MPP7: variants seen among roughly 807,000 people sequenced by gnomAD.
MPP7 encodes the protein MAGUK p55 subfamily member 7.
MPP7 carries 60 observed loss-of-function variants against 76.5 expected under a neutral mutation model. That is an observed-to-expected ratio of 0.78 (90% CI 0.64 to 0.97). MPP7 has a LOEUF of 0.97. MPP7 is among the 50% of genes least tolerant of loss of function. MPP7 has a pLI of 0.00. For missense variants in MPP7, 641 were observed against 694.0 expected (o/e 0.92, Z 0.86); for synonymous variants, 237 against 244.5 (o/e 0.97, Z 0.29).
chr10:28,306,651 A>G (rs933328092), upstream of MPP7, among the ~76,000 whole-genome samples: 5 of 121,688 alleles, frequency 4.1e-5, no homozygotes, highest in Non-Finnish European at 8.4e-5. Context: ...CTGTCTCTAA[A>G]ATAGATGATA....
intron 11 of MPP7, among the ~76,000 whole-genome samples, chr10:28,101,024 A>G (rs1008978827): frequency 6.6e-5 from 10 of 152,236 alleles, no homozygotes; most frequent in African/African-American, 2.4e-4. Flanking sequence ...ATATAAAAAT[A>G]TGGTTCTGAA....
intron 11 of MPP7, among the ~76,000 whole-genome samples, chr10:28,111,654 A>C (rs987146917): frequency 6.6e-6 from 1 of 152,228 alleles, no homozygotes; most frequent in African/African-American, 2.4e-5. Context: ...CCTGACAATT[A>C]TCAATGTTAT....
At chr10:28,130,125 T>C (rs1207319282) in intron 6 of MPP7, among the ~76,000 whole-genome samples, 1 of 149,696 alleles carries the variant, frequency 6.7e-6, no homozygotes, top group East Asian at 2.1e-4. Context: ...AATTCTAATA[T>C]CTTTTAAATA....
chr10:28,056,036 T>G (rs1851540562), intron 16 of MPP7, among the ~76,000 whole-genome samples: 1 of 152,210 alleles, frequency 6.6e-6, no homozygotes, highest in African/African-American at 2.4e-5. Flanking sequence ...TATACAACTG[T>G]ATCTTACATC....
intron 6 of MPP7, among the ~76,000 whole-genome samples, chr10:28,127,104 T>C (rs761968650): frequency 4.6e-5 from 7 of 152,220 alleles, no homozygotes; most frequent in Non-Finnish European, 7.3e-5. Context: ...GTTTGCAACA[T>C]AGAATTAGTT....
At chr10:28,273,004 A>G (rs1242168786) in intron 1 of MPP7, among the ~76,000 whole-genome samples, 1 of 151,708 alleles carries the variant, frequency 6.6e-6, no homozygotes, top group Non-Finnish European at 1.5e-5. Context: ...TGCAACTTCC[A>G]CTCCTGGGTT....
chr10:28,145,989 A>AT (rs901165428), intron 5 of MPP7, among the ~76,000 whole-genome samples: 3 of 151,998 alleles, frequency 2.0e-5, no homozygotes, highest in East Asian at 1.9e-4. Context: ...ATAATCGGGG[A>AT]TTTTTTTTGT....
chr10:28,290,768 C>T (rs898282446), intron 1 of MPP7, among the ~76,000 whole-genome samples: 9 of 152,094 alleles, frequency 5.9e-5, no homozygotes, highest in East Asian at 1.9e-4. Flanking sequence ...CCACCACGCC[C>T]GGCCCCAATC....
intron 13 of MPP7, among the ~76,000 whole-genome samples, chr10:28,063,546 C>A (rs1022602144): frequency 6.6e-6 from 1 of 152,048 alleles, no homozygotes; most frequent in African/African-American, 2.4e-5. Flanking sequence ...CCACACCAGT[C>A]TGTGGCCTGT....
chr10:28,058,971 C>T (rs1007173406), intron 14 of MPP7, among the ~76,000 whole-genome samples: 2 of 152,140 alleles, frequency 1.3e-5, no homozygotes, highest in Non-Finnish European at 2.9e-5. Flanking sequence ...TAACCCAGCC[C>T]AGCTTCAGAA....
At chr10:28,296,096 T>A (rs1219092518) in intron 1 of MPP7, among the ~76,000 whole-genome samples, 2 of 152,224 alleles carry the variant, frequency 1.3e-5, no homozygotes, top group Admixed American at 1.3e-4. Context: ...AGTCCAAGCT[T>A]GGACCACAGG....
intron 3 of MPP7, among the ~76,000 whole-genome samples, chr10:28,182,981 G>A (rs1837107952): frequency 1.3e-5 from 2 of 152,228 alleles, no homozygotes; most frequent in Admixed American, 1.3e-4. Context: ...AGGAGGCTGA[G>A]GCAAGAGAAT....
chr10:28,190,953 C>G (rs759747675), intron 3 of MPP7, among the ~76,000 whole-genome samples: 13 of 152,018 alleles, frequency 8.6e-5, no homozygotes, highest in Non-Finnish European at 1.8e-4. Flanking sequence ...GAGGAGTCAA[C>G]AGTACTGATG....
chr10:28,255,671 C>G (rs1487826331), intron 1 of MPP7, among the ~76,000 whole-genome samples: 1 of 152,192 alleles, frequency 6.6e-6, no homozygotes, highest in Non-Finnish European at 1.5e-5. Flanking sequence ...TCCCAAAGTG[C>G]TGGGATTACA....
At chr10:28,224,205 T>C (rs141743397) in intron 2 of MPP7, among the ~76,000 whole-genome samples, 5 of 151,884 alleles carry the variant, frequency 3.3e-5, no homozygotes, top group African/African-American at 9.7e-5. Flanking sequence ...AATAAATAAA[T>C]ACACAATTTC....
intron 3 of MPP7, among the ~76,000 whole-genome samples, chr10:28,177,759 A>G (rs2133894828): frequency 6.6e-6 from 1 of 152,346 alleles, no homozygotes; most frequent in East Asian, 1.9e-4. Flanking sequence ...TAGAAAAAGG[A>G]AGCCACCGCA....
chr10:28,168,805 A>T (rs1836578519), intron 3 of MPP7, among the ~76,000 whole-genome samples: 1 of 152,318 alleles, frequency 6.6e-6, no homozygotes, highest in Admixed American at 6.5e-5. Flanking sequence ...GGTGTGAGCC[A>T]CAGTGCCCAG....
chr10:28,289,008 T>C (rs147847357), intron 1 of MPP7, among the ~76,000 whole-genome samples: 94 of 152,070 alleles, frequency 6.2e-4, no homozygotes, highest in African/African-American at 2.1e-3. Context: ...GTCTCAAAAA[T>C]AGCTAACCAG....
intron 2 of MPP7, among the ~76,000 whole-genome samples, chr10:28,232,358 AACACAC>A (rs3064135): frequency 8.5e-4 from 125 of 147,458 alleles, no homozygotes; most frequent in African/African-American, 2.7e-3. Context: ...TGTCTCTTAA[AACACAC>A]ACACACACAC....
Sources: gnomAD v4.1 joint callset for allele counts (sites outside exome capture counted in the v4.1 genomes callset) on GRCh38, gnomAD v4.1.1 for gene constraint, MANE v1.5 for transcripts, NCBI Gene and HGNC (gene_info 2026-07-23, HGNC 2026-07-21) for gene names.